Variants in PCYOX1L observed in about 807,000 individuals in gnomAD.
The protein encoded by PCYOX1L is prenylcysteine oxidase 1-like.
In PCYOX1L, 40 loss-of-function variants were observed where a neutral mutation model predicts 44.1. That is an observed-to-expected ratio of 0.91 (90% CI 0.70 to 1.18). PCYOX1L has a LOEUF of 1.18. Ranked by LOEUF, PCYOX1L falls within the 50% of genes most tolerant of loss-of-function variation. PCYOX1L has a pLI of 0.00. For missense variants in PCYOX1L, 605 were observed against 653.3 expected (o/e 0.93, Z 0.81); for synonymous variants, 266 against 282.8 (o/e 0.94, Z 0.60).
chr5:149,362,214 C>A, intron 1 of PCYOX1L: 1 of 175,482 alleles, frequency 5.7e-6, no homozygotes, highest in South Asian at 1.3e-4. Flanking sequence ...CTGTAGTTTG[C>A]CAATCCCTGG....
chr5:149,364,244 A>G (rs755835091), intron 3 of PCYOX1L, 34 bp downstream of exon 3: 1 of 1,610,574 alleles, frequency 6.2e-7, no homozygotes, highest in Non-Finnish European at 8.5e-7. Flanking sequence ...ATGGCGTTCC[A>G]GGGGAACCGA....
chr5:149,367,943 A>C, intron 5 of PCYOX1L, 50 bp from the exon 6 acceptor site: 1 of 1,513,516 alleles, frequency 6.6e-7, no homozygotes, highest in Non-Finnish European at 8.8e-7. Context: ...TAGGGAGTTC[A>C]GTGGGTAGAA....
At chr5:149,365,822 C>A (rs917634125) in intron 3 of PCYOX1L, 120 bp from the exon 4 acceptor site, 21 of 862,682 alleles carry the variant, frequency 2.4e-5, no homozygotes, top group Non-Finnish European at 3.8e-5. Flanking sequence ...TCTTCTGCCA[C>A]CACTCCATGT....
At position 149,368,663 on chromosome 5, in the gene PCYOX1L, G is replaced by A; in HGVS notation, c.*9G>A. On this transcript the variant is annotated 3_prime_UTR_variant, in exon 6 of 6. Coordinates refer to ENST00000274569, the MANE Select transcript of PCYOX1L (RefSeq NM_024028.4). ...TCAAGACTGAACTGTGAGGGCTCTA[G>A]GGAGAGCCTGGGAACTTTCATCCCC... 1 of 1,501,762 alleles carries A rather than the reference G, an allele frequency of 6.7e-7. No individual in the cohort carries two copies. Among genetic ancestry groups the A allele is most frequent in the Non-Finnish European group, 8.8e-7 (1 of 1,132,686 alleles). 93.0% of individuals were successfully genotyped at this position (1,501,762 alleles called of 1,614,324 possible).
At chr5:149,360,392 A>G (rs182753364) in intron 1 of PCYOX1L, among the ~76,000 whole-genome samples, 131 of 152,312 alleles carry the variant, frequency 8.6e-4, no homozygotes, top group Non-Finnish European at 1.1e-3. Context: ...CTCTTTGCAC[A>G]TGGAGGGGAT....
At position 149,358,047 on chromosome 5, in the gene PCYOX1L, T is replaced by G. The variant is rs1757898593; in HGVS notation, c.-22T>G. 4 of 1,324,862 alleles carry G rather than the reference T, an allele frequency of 3.0e-6. No individual in the cohort carries two copies. Among genetic ancestry groups the G allele is most frequent in the South Asian group, 4.0e-5 (2 of 49,430 alleles). 82.1% of individuals were successfully genotyped at this position (1,324,862 alleles called of 1,614,324 possible). A position where few individuals can be genotyped will look rare whatever the true frequency, so the allele number is the denominator to read the frequency against. On this transcript the variant is annotated 5_prime_UTR_variant, in exon 1 of 6. Coordinates refer to ENST00000274569, the MANE Select transcript of PCYOX1L (RefSeq NM_024028.4). ...AACCCGCTAGCGCCTGAATCCGGCG[T>G]GCTGCCCGCTCGCCGCCCGCCATGG...
chr5:149,368,715 G>A lies in PCYOX1L; in HGVS notation c.*61G>A. 1 of 1,454,052 alleles carries A rather than the reference G, an allele frequency of 6.9e-7. No homozygotes were observed. Among genetic ancestry groups the A allele is most frequent in the Non-Finnish European group, 9.1e-7 (1 of 1,098,558 alleles). 90.1% of individuals were successfully genotyped at this position (1,454,052 alleles called of 1,614,324 possible). ...ACTGAAGATGGATCATCCCACAGCA[G>A]CCCAGGACTGAATAAGCCATGCTCG... On this transcript the variant is annotated 3_prime_UTR_variant, in exon 6 of 6. Transcript: ENST00000274569.
chr5:149,360,498 A>C (rs1757976016), intron 1 of PCYOX1L, among the ~76,000 whole-genome samples: 1 of 152,158 alleles, frequency 6.6e-6, no homozygotes, highest in Admixed American at 6.5e-5. Context: ...ACACAGAAAA[A>C]ATACTTCATG....
Position 149,362,799 on chromosome 5 carries a change from T to A in PCYOX1L, c.251T>A (p.Phe84Tyr), listed in dbSNP as rs761159903. ...KQHYESGAAS[F>Y]HSLSLHMQDF... ...CACTATGAGAGCGGGGCTGCCTCCT[T>A]CCACTCCCTGAGCCTGCACATGCAG... is the stretch of plus-strand genomic sequence containing the variant. Residue 84 changes from phenylalanine (F) to tyrosine (Y), a missense_variant, in exon 2 of 6, where the codon TTC becomes TAC. Coordinates refer to ENST00000274569, the MANE Select transcript of PCYOX1L (RefSeq NM_024028.4). 19 of 1,614,002 alleles carry A rather than the reference T, an allele frequency of 1.2e-5. No individual in the cohort carries two copies. Among genetic ancestry groups the A allele is most frequent in the Admixed American group, 3.3e-5 (2 of 60,012 alleles).
chr5:149,367,820 C>A (rs567067422), intron 5 of PCYOX1L, among the ~76,000 whole-genome samples, 173 bp from the exon 6 acceptor site: 1 of 152,176 alleles, frequency 6.6e-6, no homozygotes, highest in African/African-American at 2.4e-5. Flanking sequence ...GACTCCATGC[C>A]CCTTGCTTCT....
Position 149,364,063 on chromosome 5 carries a change from G to A in PCYOX1L, c.323G>A (p.Gly108Asp). The stretch of plus-strand genomic sequence containing the variant: ...CTGAGGCACCGGCGCGAGGTGGTGG[G>A]CAGGAGCGCCATCTTCGGCGGGGAG... ...LGLRHRREVV[G>D]RSAIFGGEHF... Residue 108 changes from glycine to aspartate, a missense_variant, in exon 3 of 6, where the codon GGC becomes GAC. Gly to Asp is a moderately conservative substitution (Grantham distance 94). Transcript: ENST00000274569. 1.2e-6 allele frequency: 2 copies of A among 1,614,070 alleles called. No homozygotes were observed. Among genetic ancestry groups the A allele is most frequent in the Non-Finnish European group, 1.7e-6 (2 of 1,179,956 alleles).
chr5:149,369,149 T>TTACTGTGGACTTGATGGA lies in PCYOX1L; in HGVS notation c.*497_*514dup, dbSNP rs1482169749. ...CCTAAGAAATGATCATAGCTCCTGG[T>TTACTGTGGACTTGATGGA]TACTGTGGACTTGATGGATTTGAAG... On this transcript the variant is annotated 3_prime_UTR_variant, in exon 6 of 6. Coordinates refer to ENST00000274569, the MANE Select transcript of PCYOX1L (RefSeq NM_024028.4). The TTACTGTGGACTTGATGGA allele has an allele frequency of 2.6e-5, 4 of 152,412 alleles. No homozygotes were observed. The highest frequency in any genetic ancestry group is 1.3e-4 in the Admixed American group (2 of 15,282). The allele number at this position is 152,412 out of a possible 1,614,324, so 9.4% of individuals were successfully genotyped here.
At position 149,368,338 on chromosome 5, in the gene PCYOX1L, A is replaced by G; in HGVS notation, c.1169A>G (p.Glu390Gly). 1 of 1,614,154 alleles carries G rather than the reference A, an allele frequency of 6.2e-7. No individual in the cohort carries two copies. Among genetic ancestry groups the G allele is most frequent in the Non-Finnish European group, 8.5e-7 (1 of 1,180,022 alleles). Residue 390 changes from glutamate (E) to glycine (G), a missense_variant, in exon 6 of 6, where the codon GAG becomes GGG. Coordinates refer to ENST00000274569, the MANE Select transcript of PCYOX1L (RefSeq NM_024028.4). The stretch of plus-strand genomic sequence containing the variant: ...AGCTTCCGGCGAAAGCAGCCCCAGG[A>G]GGCAGCTGTTTGGCGAGTCCAGTCC... Reference protein sequence around the residue: ...SASFRRKQPQEAAVWRVQSPK... With the variant: ...SASFRRKQPQGAAVWRVQSPK...
At chr5:149,367,570 T>C in intron 5 of PCYOX1L, 70 bp downstream of exon 5, 2 of 1,585,742 alleles carry the variant, frequency 1.3e-6, no homozygotes, top group South Asian at 2.3e-5. Context: ...CTGCCTCCTT[T>C]GTACCTCAGC....
Position 149,368,468 on chromosome 5 carries a change from G to A in PCYOX1L, c.1299G>A (p.Thr433=), listed in dbSNP as rs752063670. Residue 433 remains threonine (T), a synonymous_variant, in exon 6 of 6, where the codon ACG becomes ACA. Transcript: ENST00000274569. ...ATCCCCTCTATGGCTCCCGCCCCAC[G>A]CTCCCGAGGTTTGCACTCCATGACC... ...QAHPLYGSRP[T]LPRFALHDQL... 4 of 1,612,960 alleles carry A rather than the reference G, an allele frequency of 2.5e-6. No homozygotes were observed. The highest frequency in any genetic ancestry group is 2.2e-5 in the East Asian group (1 of 44,858).
intron 3 of PCYOX1L, 64 bp downstream of exon 3, chr5:149,364,274 C>T: frequency 6.3e-7 from 1 of 1,589,014 alleles, no homozygotes; most frequent in African/African-American, 1.3e-5. Flanking sequence ...GGGGAGGAAC[C>T]AGCTTGCCTG....
intron 4 of PCYOX1L, 81 bp downstream of exon 4, chr5:149,366,234 A>G: frequency 7.0e-7 from 1 of 1,419,934 alleles, no homozygotes; most frequent in South Asian, 1.2e-5. Flanking sequence ...CCCCATAATA[A>G]CCTCACTTTT....
intron 1 of PCYOX1L, among the ~76,000 whole-genome samples, chr5:149,358,630 A>C (rs1362413484): frequency 6.6e-6 from 1 of 152,094 alleles, no homozygotes; most frequent in African/African-American, 2.4e-5. Flanking sequence ...GGGGCGCTTC[A>C]CCCTGTCTTT....
chr5:149,358,646 C>G (rs943377380), intron 1 of PCYOX1L, among the ~76,000 whole-genome samples: 2 of 152,154 alleles, frequency 1.3e-5, no homozygotes, highest in African/African-American at 4.8e-5. Flanking sequence ...TCTTTGCGGC[C>G]CTGGGAGGGC....
Sources: allele counts gnomAD v4.1 joint callset (sites outside exome capture counted in the v4.1 genomes callset), GRCh38; gene constraint gnomAD v4.1.1; transcripts MANE v1.5; gene names NCBI Gene and HGNC (gene_info 2026-07-23, HGNC 2026-07-21).